The following ABCB11 variants were observed in gnomAD, a reference collection of about 807,000 sequenced individuals.
ABCB11 encodes bile salt export pump.
ABCB11 carries 95 observed loss-of-function variants against 148.0 expected under a neutral mutation model. The ratio of observed to expected loss-of-function variants is 0.64; its 90% confidence interval spans 0.54 to 0.76. The LOEUF is 0.76. Ranked by LOEUF, ABCB11 falls within the 30% of genes least tolerant of loss-of-function variation. The pLI, the probability that ABCB11 is intolerant of heterozygous loss-of-function variation, is 0.00. For missense variants in ABCB11, 1,523 were observed against 1,617.8 expected (o/e 0.94, Z 1.01); for synonymous variants, 591 against 555.4 (o/e 1.06, Z -0.90).
At chr2:169,014,236 C>CGGG in intron 4 of ABCB11, 67 bp downstream of exon 4, 12 of 1,087,904 alleles carry the variant, frequency 1.1e-5, no homozygotes, top group African/African-American at 3.1e-5. Context: ...AGATTTAACA[C>CGGG]TCCCCTCATG....
At position 168,935,226 on chromosome 2, in the gene ABCB11, T is replaced by C. The variant is rs775974296; in HGVS notation, c.3014A>G (p.Tyr1005Cys). The change falls in exon 23 of 28, where the codon TAC (tyrosine) becomes TGC (cysteine). Residue 1005 changes from tyrosine (Y) to cysteine (C), a missense_variant. Coordinates refer to ENST00000650372, the MANE Select transcript of ABCB11 (RefSeq NM_003742.4). ...ATGGAGCCCCTCATTGGAGATTAAG[T>C]AACCTCCATATCTGTAGGAAGCAGA... is the stretch of plus-strand genomic sequence containing the variant. Reference protein sequence around the residue: ...ANSASYRYGGYLISNEGLHFS... With the variant: ...ANSASYRYGGCLISNEGLHFS... 3.1e-6 allele frequency: 5 copies of C among 1,613,886 alleles called. No homozygotes were observed. In the African/African-American group the frequency reaches 6.7e-5, roughly 22 times the overall value.
intron 19 of ABCB11, among the ~76,000 whole-genome samples, chr2:168,957,307 G>A (rs1244056243): frequency 1.3e-5 from 2 of 151,580 alleles, no homozygotes; most frequent in Non-Finnish European, 1.5e-5. Context: ...TACCTTAGAC[G>A]GTTGTTAGTA....
chr2:168,986,656 C>G (rs1240835831), intron 9 of ABCB11, among the ~76,000 whole-genome samples: 1 of 152,084 alleles, frequency 6.6e-6, no homozygotes, highest in Non-Finnish European at 1.5e-5. Context: ...AATAATGCAA[C>G]TGGCTCCAAA....
downstream of ABCB11, among the ~76,000 whole-genome samples, chr2:168,920,771 C>T (rs1691050173): frequency 6.6e-6 from 1 of 152,082 alleles, no homozygotes; most frequent in African/African-American, 2.4e-5. Flanking sequence ...GACATCATCG[C>T]CCCCTGGTGT....
chr2:169,008,527 G>A (rs114752088), intron 5 of ABCB11, among the ~76,000 whole-genome samples: 1,679 of 152,248 alleles, frequency 0.011, 5 homozygotes, highest in Non-Finnish European at 0.016. Flanking sequence ...ACTGAATCAC[G>A]TCTGCATAGA....
chr2:168,937,606 T>G (rs1369631794), intron 21 of ABCB11, among the ~76,000 whole-genome samples: 2 of 152,380 alleles, frequency 1.3e-5, no homozygotes, highest in Admixed American at 6.5e-5. Context: ...GCTACACATG[T>G]GTCAAGTACT....
chr2:169,025,328 G>T (rs972522740), intron 1 of ABCB11, among the ~76,000 whole-genome samples: 2 of 152,086 alleles, frequency 1.3e-5, no homozygotes, highest in African/African-American at 4.8e-5. Flanking sequence ...CTCTCTCCAC[G>T]TCCTGATTTC....
intron 19 of ABCB11, among the ~76,000 whole-genome samples, chr2:168,955,083 G>C (rs1692732491): frequency 6.6e-6 from 1 of 151,450 alleles, no homozygotes; most frequent in African/African-American, 2.4e-5. Flanking sequence ...GAATTTTTGA[G>C]TTCCAGAATT....
chr2:168,935,455 C>T (rs781753459), intron 22 of ABCB11, 30 bp from the exon 23 acceptor site: 9 of 1,593,566 alleles, frequency 5.6e-6, no homozygotes, highest in Non-Finnish European at 7.7e-6. Context: ...CTTAGGAATA[C>T]AAGGGCAGAA....
At position 168,990,892 on chromosome 2, in the gene ABCB11, C is replaced by A. The variant is rs1479054328; in HGVS notation, c.817G>T (p.Ala273Ser). 1 of 1,613,108 alleles carries A rather than the reference C, an allele frequency of 6.2e-7. No homozygotes were observed. The highest frequency in any genetic ancestry group is 8.5e-7 in the Non-Finnish European group (1 of 1,179,370). ...GCCACCACCCCTGCTTTGGCATAGG[C>A]CTTCAGCTCATAGTCCGTAAACTTG... The part of the protein sequence containing the change: ...VSKFTDYELK[A>S]YAKAGVVADE... The change falls in exon 9 of 28, where the codon GCC (alanine) becomes TCC (serine). Residue 273 changes from alanine to serine, a missense_variant. Physicochemically the swap from Ala to Ser is moderately conservative, Grantham distance 99 (BLOSUM62 1). Coordinates refer to ENST00000650372, the MANE Select transcript of ABCB11 (RefSeq NM_003742.4).
Position 169,002,130 on chromosome 2 carries a change from GACAAAATGGACTT to G in ABCB11, c.390-5421_390-5409del, listed in dbSNP as rs1344033451. On this transcript the variant is annotated intron_variant, in intron 5 of 27. Transcript: ENST00000650372. ...CCCAGGAGTGGCTATACTAATATCAGACAAAATGGACTTTAAAAACTTGTTACTAGAGATAAAA... is the reference window on the plus strand; with the variant it reads ...CCCAGGAGTGGCTATACTAATATCAGTAAAAACTTGTTACTAGAGATAAAA... 5.3e-5 allele frequency among the ~76,000 whole-genome samples: 8 copies of G among 152,184 alleles called. No homozygotes were observed. In the East Asian group the frequency reaches 1.5e-3, roughly 29 times the overall value.
intron 12 of ABCB11, 65 bp from the exon 13 acceptor site, chr2:168,973,905 A>G: frequency 6.4e-7 from 1 of 1,572,596 alleles, no homozygotes; most frequent in Admixed American, 1.7e-5. Context: ...CAATTAGGCT[A>G]CAGGTGCAGA....
At position 168,983,764 on chromosome 2, in the gene ABCB11, C is replaced by G. The variant is rs181283937; in HGVS notation, c.1083+2346G>C. Among the ~76,000 whole-genome samples the G allele has an allele frequency of 2.1e-3, 325 of 152,130 alleles. 6 individuals are homozygous for G. Among genetic ancestry groups the G allele is most frequent in the Admixed American group, 8.7e-3 (132 of 15,258 alleles). On this transcript the variant is annotated intron_variant, in intron 10 of 27. Transcript: ENST00000650372. ...TAGATTTTGAATTTTAAGCTCTCAG[C>G]TAGCAAATTTCTGGTATACAAGGTT...
chr2:168,976,472 A>T, intron 12 of ABCB11, 105 bp downstream of exon 12: 1 of 622,448 alleles, frequency 1.6e-6, no homozygotes. Context: ...ATTCCCTATT[A>T]CTGGAAACAG....
Position 168,969,393 on chromosome 2 carries a change from CAA to C in ABCB11, c.1966_1967del (p.Leu656AlafsTer9), listed in dbSNP as rs1064797270. The C allele has an allele frequency of 6.2e-7, 1 of 1,612,574 alleles. No homozygotes were observed. Among genetic ancestry groups the C allele is most frequent in the Non-Finnish European group, 8.5e-7 (1 of 1,179,212 alleles). ...RKGVYFTLVTLQSQGNQALNE... is the reference protein window; with the variant it reads ...RKGVYFTLVTXQSQGNQALNE... ...TAAGAGCTTGATTTCCCTGGCTTTG[CAA>C]AGTCACTAGAGTGAAGTAAACACCT... is the stretch of plus-strand genomic sequence containing the variant. On this transcript the variant is annotated frameshift_variant, in exon 16 of 28. Coordinates refer to ENST00000650372, the MANE Select transcript of ABCB11 (RefSeq NM_003742.4). LOFTEE classifies it high-confidence loss of function.
At chr2:169,014,236 C>CGGCG in intron 4 of ABCB11, 67 bp downstream of exon 4, 5 of 1,087,906 alleles carry the variant, frequency 4.6e-6, no homozygotes, top group Non-Finnish European at 7.1e-6. Flanking sequence ...AGATTTAACA[C>CGGCG]TCCCCTCATG....
chr2:168,949,789 G>C (rs115531200), intron 19 of ABCB11, among the ~76,000 whole-genome samples: 2 of 151,468 alleles, frequency 1.3e-5, no homozygotes, highest in Non-Finnish European at 3.0e-5. Context: ...TGAGGGTGTC[G>C]ACAAAGGAGA....
Position 168,930,869 on chromosome 2 carries a change from A to T in ABCB11, c.3214-7T>A, listed in dbSNP as rs377593604. 3.8e-6 allele frequency: 6 copies of T among 1,583,940 alleles called. No individual in the cohort carries two copies. The African/African-American group carries it at 8.1e-5, about 21-fold the overall frequency. On this transcript the variant is annotated splice_region_variant and splice_polypyrimidine_tract_variant and intron_variant, in intron 24 of 27. Coordinates refer to ENST00000650372, the MANE Select transcript of ABCB11 (RefSeq NM_003742.4). Reference sequence around the variant, plus strand: ...TCTTCCCCTGGAAGTTGTCCTGTGGATGGGAGGATCAAAATTAGAGATGCT... The same window carrying T: ...TCTTCCCCTGGAAGTTGTCCTGTGGTTGGGAGGATCAAAATTAGAGATGCT...
At chr2:169,012,614 C>T (rs1695219999) in intron 5 of ABCB11, among the ~76,000 whole-genome samples, 1 of 151,360 alleles carries the variant, frequency 6.6e-6, no homozygotes, top group Non-Finnish European at 1.5e-5. Context: ...GTGGCGGGCG[C>T]CTGTAATCCC....
Sources: allele counts gnomAD v4.1 joint callset (sites outside exome capture counted in the v4.1 genomes callset), GRCh38; gene constraint gnomAD v4.1.1; transcripts MANE v1.5; gene names NCBI Gene and HGNC (gene_info 2026-07-23, HGNC 2026-07-21).